Variants in AKNA observed in about 807,000 individuals in gnomAD.
The protein encoded by AKNA is AT-hook transcription factor, also known as microtubule organization protein AKNA.
AKNA carries 67 observed loss-of-function variants against 138.8 expected under a neutral mutation model. The ratio of observed to expected loss-of-function variants is 0.48; its 90% CI spans 0.40 to 0.59. The LOEUF (loss-of-function observed/expected upper bound fraction) is 0.59. Among genes scored for constraint, AKNA ranks in the 20% least tolerant of loss-of-function variants. The probability of loss-of-function intolerance (pLI) is 0.00; values close to 1 mark genes in which losing one functional copy is unlikely to be tolerated. For synonymous variants in AKNA, 737 were observed against 754.4 expected (o/e 0.98, Z 0.38); for missense variants, 1,813 against 1,880.4 (o/e 0.96, Z 0.66).
intron 2 of AKNA, among the ~76,000 whole-genome samples, chr9:114,377,824 G>C (rs554678980): frequency 5.3e-5 from 8 of 152,182 alleles, no homozygotes; most frequent in Non-Finnish European, 1.2e-4. Context: ...AGAAGGCTGG[G>C]AGGCATCTTT....
intron 12 of AKNA, 36 bp from the exon 13 acceptor site, chr9:114,357,005 G>A (rs1831547810): frequency 3.2e-6 from 5 of 1,557,672 alleles, no homozygotes; most frequent in Non-Finnish European, 4.3e-6. Context: ...TCTGAGGAAT[G>A]TGTCCAAGGC....
At chr9:114,368,350 C>T (rs1302102261) in intron 5 of AKNA, 89 bp downstream of exon 5, 5 of 1,280,922 alleles carry the variant, frequency 3.9e-6, no homozygotes, top group Non-Finnish European at 5.0e-6. Flanking sequence ...CTGAGGCCAG[C>T]GCCATCCCCA....
chr9:114,378,800 G>A (rs1350877807), intron 2 of AKNA, among the ~76,000 whole-genome samples: 5 of 152,100 alleles, frequency 3.3e-5, no homozygotes, highest in Non-Finnish European at 2.9e-5. Context: ...CATCCATGCA[G>A]TCATTGTTTA....
chr9:114,331,442 AAAG>A (rs774722997), downstream of AKNA: 19 of 733,290 alleles, frequency 2.6e-5, no homozygotes, highest in Non-Finnish European at 4.4e-5. Context: ...ACGGTGGCCC[AAAG>A]GAGACCCGGG....
In AKNA at chr9:114,361,868, C is replaced by T. The variant is rs768382743; in HGVS notation, c.1960G>A (p.Glu654Lys). The stretch of plus-strand genomic sequence containing the variant: ...GTCTGGTCTATGTGTTCCTTCAGCT[C>T]TTCCAGGCAGCTTCCCAGACGGTAT... ...EIYRLGSCLE[E>K]LKEHIDQTQQ... The change falls in exon 9 of 22, where the codon GAG becomes AAG. Residue 654 changes from glutamate (E) to lysine (K), a missense_variant. Physicochemically the swap from Glu to Lys is moderately conservative, Grantham distance 56 (BLOSUM62 1). Transcript: ENST00000374088. 6.2e-7 allele frequency: 1 copy of T among 1,608,630 alleles called. No homozygotes were observed. The highest frequency in any genetic ancestry group is 8.5e-7 in the Non-Finnish European group (1 of 1,179,984).
At chr9:114,382,671 A>G (rs149967795) in intron 1 of AKNA, among the ~76,000 whole-genome samples, 1 of 152,302 alleles carries the variant, frequency 6.6e-6, no homozygotes, top group East Asian at 1.9e-4. Flanking sequence ...TGAAGTCCCA[A>G]CACATGCTAC....
intron 2 of AKNA, among the ~76,000 whole-genome samples, chr9:114,378,304 A>G (rs1469477369): frequency 3.3e-5 from 5 of 152,198 alleles, no homozygotes; most frequent in African/African-American, 1.2e-4. Context: ...TGCCTCCTCA[A>G]GGAAGACTTA....
At chr9:114,350,741 C>A (rs1588959722) in intron 15 of AKNA, 118 bp downstream of exon 15, 4 of 1,235,134 alleles carry the variant, frequency 3.2e-6, no homozygotes, top group Non-Finnish European at 4.4e-6. Context: ...TCCGTCTGCT[C>A]CTACCACCAC....
At chr9:114,392,278 G>A (rs990829374), upstream of AKNA, among the ~76,000 whole-genome samples, 3 of 152,148 alleles carry the variant, frequency 2.0e-5, no homozygotes, top group East Asian at 1.9e-4. Flanking sequence ...TGGAACCTGC[G>A]GCTTAATGAG....
intron 12 of AKNA, 90 bp from the exon 13 acceptor site, chr9:114,357,059 C>A: frequency 8.8e-7 from 1 of 1,137,860 alleles, no homozygotes. Flanking sequence ...CCTCACCTCC[C>A]AGAGGCTCAC....
In AKNA at chr9:114,376,024, C is replaced by A. The variant is rs545145897; in HGVS notation, c.1341+442G>T. On this transcript the variant is annotated intron_variant, in intron 3 of 21. Transcript: ENST00000374088. The stretch of plus-strand genomic sequence containing the variant: ...ACCCCAGGCCTCCCCACCCCACCAG[C>A]CTCTATCCCAGGGCTCTCCACCTCA... The A allele has an allele frequency of 4.4e-3, 1,875 of 430,040 alleles. 29 individuals are homozygous for A. The highest frequency in any genetic ancestry group is 0.029 in the South Asian group (1,810 of 62,240). 26.6% of individuals were successfully genotyped at this position (430,040 alleles called of 1,614,324 possible). A position where few individuals can be genotyped will look rare whatever the true frequency, so the allele number is the denominator to read the frequency against.
chr9:114,331,216 T>C (rs1829845546), downstream of AKNA, among the ~76,000 whole-genome samples: 1 of 152,102 alleles, frequency 6.6e-6, no homozygotes, highest in Non-Finnish European at 1.5e-5. Context: ...TACCTTCAAC[T>C]ATGTCCCCCA....
At chr9:114,364,175 A>C (rs1832168280) in intron 7 of AKNA, among the ~76,000 whole-genome samples, 1 of 151,888 alleles carries the variant, frequency 6.6e-6, no homozygotes, top group Non-Finnish European at 1.5e-5. Context: ...CCTGGATTTG[A>C]AAGAGAGACA....
At chr9:114,383,549 C>T (rs1055285036) in intron 1 of AKNA, among the ~76,000 whole-genome samples, 1 of 152,188 alleles carries the variant, frequency 6.6e-6, no homozygotes, top group Admixed American at 6.5e-5. Context: ...GAGGCCTTGC[C>T]TAAAGCCACA....
intron 2 of AKNA, among the ~76,000 whole-genome samples, chr9:114,379,442 C>T (rs959752132): frequency 2.6e-5 from 4 of 152,194 alleles, no homozygotes; most frequent in Admixed American, 6.5e-5. Flanking sequence ...TCTGCCCTGT[C>T]GACCCAGTGC....
upstream of AKNA, among the ~76,000 whole-genome samples, chr9:114,392,947 T>A (rs1834402545): frequency 6.6e-6 from 1 of 152,142 alleles, no homozygotes; most frequent in Non-Finnish European, 1.5e-5. Flanking sequence ...GTGGCCATAT[T>A]GAGGAAAACA....
chr9:114,379,466 T>A (rs757140647), intron 2 of AKNA, among the ~76,000 whole-genome samples: 1 of 152,090 alleles, frequency 6.6e-6, no homozygotes, highest in African/African-American at 2.4e-5. Context: ...TCAGTCACCA[T>A]CCCCTGCTGG....
rs1359718948 is a variant in AKNA at position 114,361,923 on chromosome 9, A to T, written c.1917-12T>A. The T allele has an allele frequency of 6.3e-7, 1 of 1,599,972 alleles. No individual in the cohort carries two copies. The highest frequency in any genetic ancestry group is 8.5e-7 in the Non-Finnish European group (1 of 1,179,812). Reference sequence around the variant, plus strand: ...CTGCCTCCAGCTCCCTGGAATGCAGAAACATTACCACCAGGAGCCCAAGAT... The same window carrying T: ...CTGCCTCCAGCTCCCTGGAATGCAGTAACATTACCACCAGGAGCCCAAGAT... On this transcript the variant is annotated splice_polypyrimidine_tract_variant and intron_variant, in intron 8 of 21. Coordinates refer to ENST00000374088, the MANE Select transcript of AKNA (RefSeq NM_001317950.2).
chr9:114,355,177 C>CTT (rs901443083), intron 14 of AKNA, among the ~76,000 whole-genome samples: 7 of 102,114 alleles, frequency 6.9e-5, no homozygotes, highest in African/African-American at 7.7e-5. Flanking sequence ...CTGTACTGTA[C>CTT]TTTTTTTTTT....
Sources: gnomAD v4.1 joint callset for allele counts (sites outside exome capture counted in the v4.1 genomes callset) on GRCh38, gnomAD v4.1.1 for gene constraint, MANE v1.5 for transcripts, NCBI Gene and HGNC (gene_info 2026-07-23, HGNC 2026-07-21) for gene names.